The following CTNNA3 variants were observed in gnomAD, a reference collection of about 807,000 sequenced individuals.
The protein encoded by CTNNA3 is catenin alpha 3, also known as catenin alpha-3.
CTNNA3 carries 76 observed loss-of-function variants against 95.7 expected under a neutral mutation model. The ratio of observed to expected loss-of-function variants is 0.79; its 90% CI spans 0.66 to 0.96. The LOEUF is 0.96. Ranked by LOEUF, CTNNA3 falls within the 40% of genes least tolerant of loss-of-function variation. The pLI is 0.00. For missense variants in CTNNA3, 1,191 were observed against 1,089.8 expected (o/e 1.09, Z -1.31); for synonymous variants, 431 against 374.4 (o/e 1.15, Z -1.74).
intron 11 of CTNNA3, among the ~76,000 whole-genome samples, chr10:66,503,692 C>T (rs1057461534): frequency 6.6e-6 from 1 of 152,092 alleles, no homozygotes; most frequent in Non-Finnish European, 1.5e-5. Flanking sequence ...TGGTCTTGAA[C>T]TCCTGACATT....
chr10:66,855,561 G>A (rs1843656681), intron 7 of CTNNA3, among the ~76,000 whole-genome samples: 1 of 151,844 alleles, frequency 6.6e-6, no homozygotes, highest in Admixed American at 6.6e-5. Flanking sequence ...CACCAAACAG[G>A]ACCCAACACA....
Position 66,675,237 on chromosome 10 carries a change from C to CTT in CTNNA3, c.1282-53455_1282-53454dup, listed in dbSNP as rs535383248. On this transcript the variant is annotated intron_variant, in intron 9 of 17. Coordinates refer to ENST00000433211, the MANE Select transcript of CTNNA3 (RefSeq NM_013266.4). ...ATTAAACCCGATCCATCTGCTGCTG[C>CTT]TTTTTTTTTTCTTTTTAAATAAATT... 3.8e-3 allele frequency among the ~76,000 whole-genome samples: 568 copies of CTT among 149,268 alleles called. 3 individuals are homozygous for CTT. The highest frequency in any genetic ancestry group is 0.013 in the African/African-American group (510 of 40,766).
chr10:67,021,850 T>C (rs575430568), intron 7 of CTNNA3, among the ~76,000 whole-genome samples: 1 of 152,220 alleles, frequency 6.6e-6, no homozygotes, highest in Non-Finnish European at 1.5e-5. Flanking sequence ...ATGGTAGAAA[T>C]AAACAGGAGT....
intron 9 of CTNNA3, among the ~76,000 whole-genome samples, chr10:66,680,176 G>GTTT (rs869283761): frequency 6.3e-5 from 2 of 31,854 alleles, no homozygotes; most frequent in African/African-American, 2.3e-4. Flanking sequence ...GTTTTTTTTT[G>GTTT]TTTGTTTTTT....
At position 65,916,054 on chromosome 10, in the gene CTNNA3, T is replaced by C. The variant is rs1204943879; in HGVS notation, c.*4276A>G. On this transcript the variant is annotated 3_prime_UTR_variant, in exon 18 of 18. Coordinates refer to ENST00000433211, the MANE Select transcript of CTNNA3 (RefSeq NM_013266.4). ...ACTGCTATTGTTATTAGTCCTGGCT[T>C]ATTTGTTTAGTGGTAAAATGGAAAA... 1 of 152,144 alleles carries C rather than the reference T, an allele frequency of 6.6e-6. No homozygotes were observed. The highest frequency in any genetic ancestry group is 2.4e-5 in the African/African-American group (1 of 41,442). The allele number at this position is 152,144 out of a possible 1,614,324, so 9.4% of individuals were successfully genotyped here.
intron 10 of CTNNA3, among the ~76,000 whole-genome samples, chr10:66,595,001 T>A (rs1843664874): frequency 6.6e-6 from 1 of 152,100 alleles, no homozygotes; most frequent in African/African-American, 2.4e-5. Flanking sequence ...TCCACAATTA[T>A]CTCGTTTGAG....
At chr10:66,920,244 G>T (rs549890968) in intron 7 of CTNNA3, among the ~76,000 whole-genome samples, 2 of 152,222 alleles carry the variant, frequency 1.3e-5, no homozygotes, top group South Asian at 4.1e-4. Flanking sequence ...CATGAAAATG[G>T]TTCCTAAGTA....
At chr10:67,358,683 C>G (rs1233545278) in intron 5 of CTNNA3, among the ~76,000 whole-genome samples, 2 of 152,120 alleles carry the variant, frequency 1.3e-5, no homozygotes, top group Admixed American at 6.5e-5. Context: ...TACCCCACAA[C>G]CCATTCTGAC....
intron 7 of CTNNA3, among the ~76,000 whole-genome samples, chr10:66,974,963 G>A (rs72804652): frequency 0.23 from 34,312 of 151,924 alleles, 4,368 homozygotes; most frequent in Non-Finnish European, 0.3. Flanking sequence ...TCAAGAATAG[G>A]TCTAAAATCC....
intron 5 of CTNNA3, among the ~76,000 whole-genome samples, chr10:67,307,995 T>A (rs944192450): frequency 6.6e-6 from 1 of 152,174 alleles, no homozygotes; most frequent in Non-Finnish European, 1.5e-5. Flanking sequence ...AGGAATAACA[T>A]TATCTGGTCC....
chr10:66,133,330 C>T (rs1349204242), intron 13 of CTNNA3, among the ~76,000 whole-genome samples: 2 of 151,984 alleles, frequency 1.3e-5, no homozygotes, highest in African/African-American at 4.8e-5. Context: ...GCCTGGCCAA[C>T]ATGGCGAAAC....
At chr10:67,425,701 AT>A (rs1388656448) in intron 5 of CTNNA3, among the ~76,000 whole-genome samples, 1 of 152,046 alleles carries the variant, frequency 6.6e-6, no homozygotes, top group African/African-American at 2.4e-5. Context: ...CGAAGCTGAT[AT>A]CACTCACTCC....
intron 12 of CTNNA3, among the ~76,000 whole-genome samples, chr10:66,348,431 T>C (rs1158644651): frequency 1.3e-5 from 2 of 152,068 alleles, no homozygotes; most frequent in Non-Finnish European, 2.9e-5. Context: ...CTGCATAGTA[T>C]GGTTGTGGGA....
chr10:66,294,669 C>T (rs981917367), intron 12 of CTNNA3, among the ~76,000 whole-genome samples: 9 of 152,032 alleles, frequency 5.9e-5, no homozygotes, highest in Non-Finnish European at 1.3e-4. Flanking sequence ...AGAAACTTCA[C>T]GATTTTATTG....
chr10:66,667,869 A>G (rs1231578886), intron 9 of CTNNA3, among the ~76,000 whole-genome samples: 1 of 152,092 alleles, frequency 6.6e-6, no homozygotes, highest in Non-Finnish European at 1.5e-5. Flanking sequence ...TTTCATGGGC[A>G]TATGCCTTAA....
intron 5 of CTNNA3, among the ~76,000 whole-genome samples, chr10:67,369,396 A>G (rs761431053): frequency 5.9e-5 from 9 of 152,166 alleles, no homozygotes; most frequent in Non-Finnish European, 1.2e-4. Context: ...TTCTAAATAG[A>G]TCAAAGATTT....
At chr10:66,790,456 C>CA (rs1476295419) in intron 7 of CTNNA3, among the ~76,000 whole-genome samples, 5 of 151,758 alleles carry the variant, frequency 3.3e-5, no homozygotes, top group African/African-American at 4.8e-5. Flanking sequence ...GACTCTGTCT[C>CA]AAAAAAACCG....
intron 6 of CTNNA3, among the ~76,000 whole-genome samples, chr10:67,207,758 C>G (rs1863965484): frequency 6.6e-6 from 1 of 152,156 alleles, no homozygotes; most frequent in Non-Finnish European, 1.5e-5. Flanking sequence ...CTCAGTCTAA[C>G]TGAAAAATAT....
chr10:67,732,882 T>A (rs893240713), intron 1 of CTNNA3, among the ~76,000 whole-genome samples: 6 of 122,270 alleles, frequency 4.9e-5, no homozygotes, highest in African/African-American at 2.8e-4. Flanking sequence ...TTTCTCTCAC[T>A]CACGCACACA....
Sources: allele counts gnomAD v4.1 joint callset (sites outside exome capture counted in the v4.1 genomes callset), GRCh38; gene constraint gnomAD v4.1.1; transcripts MANE v1.5; gene names NCBI Gene and HGNC (gene_info 2026-07-23, HGNC 2026-07-21).